Variants in TXNDC11 observed in about 807,000 individuals in gnomAD.
TXNDC11 encodes the protein thioredoxin domain-containing protein 11.
In TXNDC11, 68 loss-of-function variants were observed where a neutral mutation model predicts 78.0. That is an observed-to-expected ratio of 0.87 (90% CI 0.72 to 1.07). TXNDC11 has a LOEUF of 1.07. TXNDC11 is among the 50% of genes least tolerant of loss of function. TXNDC11 has a pLI of 0.00. For missense variants in TXNDC11, 1,389 were observed against 1,221.8 expected (o/e 1.14, Z -2.04); for synonymous variants, 571 against 495.2 (o/e 1.15, Z -2.03).
chr16:11,691,290 C>G lies in TXNDC11; in HGVS notation c.1900G>C (p.Glu634Gln). ...PKQALMKLTLESFIQNFSVLY... is the reference protein window; with the variant it reads ...PKQALMKLTLQSFIQNFSVLY... The stretch of plus-strand genomic sequence containing the variant: ...TGGGGAAATAAACTGCCTGCAGTAC[C>G]TAGGGTGAGCTTCATCAGTGCTTGC... Residue 634 changes from glutamate to glutamine, a missense_variant and splice_region_variant, in exon 8 of 12, where the codon GAG becomes CAG. Physicochemically the swap from Glu to Gln is conservative, Grantham distance 29. Transcript: ENST00000283033. The G allele has an allele frequency of 6.2e-7, 1 of 1,610,836 alleles. No individual in the cohort carries two copies. Among genetic ancestry groups the G allele is most frequent in the Non-Finnish European group, 8.5e-7 (1 of 1,178,274 alleles).
In TXNDC11 at chr16:11,688,799, C is replaced by T. The variant is rs151044810; in HGVS notation, c.1901-354G>A. On this transcript the variant is annotated intron_variant, in intron 8 of 11. Transcript: ENST00000283033. ...TTTCAAGAAATTTCACCCTATAATA[C>T]TAAGACCTTTAAGCTTAACCACAAA... 7.2e-5 allele frequency among the ~76,000 whole-genome samples: 11 copies of T among 152,294 alleles called. No individual in the cohort carries two copies. The East Asian group carries it at 2.1e-3, about 29-fold the overall frequency.
At chr16:11,720,763 T>G (rs968746117) in intron 5 of TXNDC11, among the ~76,000 whole-genome samples, 1 of 151,294 alleles carries the variant, frequency 6.6e-6, no homozygotes, top group African/African-American at 2.4e-5. Flanking sequence ...AGACAGGATC[T>G]CACTCTGTCC....
chr16:11,721,437 TAA>T, intron 5 of TXNDC11, 138 bp downstream of exon 5: 1 of 471,052 alleles, frequency 2.1e-6, no homozygotes. Flanking sequence ...AGACTCCATC[TAA>T]AAAAAAATAA....
intron 3 of TXNDC11, among the ~76,000 whole-genome samples, chr16:11,733,155 G>A (rs2141116695): frequency 6.6e-6 from 1 of 152,252 alleles, no homozygotes; most frequent in Non-Finnish European, 1.5e-5. Context: ...TACTCGGGAG[G>A]CTGAGGCAGG....
At chr16:11,732,346 C>T (rs901068287) in intron 3 of TXNDC11, among the ~76,000 whole-genome samples, 2 of 152,068 alleles carry the variant, frequency 1.3e-5, no homozygotes, top group Non-Finnish European at 2.9e-5. Context: ...AGGACTACAC[C>T]CCCCCACTAG....
At chr16:11,698,370 T>C (rs1023247597) in intron 6 of TXNDC11, 45 bp from the exon 7 acceptor site, 3 of 1,571,560 alleles carry the variant, frequency 1.9e-6, no homozygotes, top group African/African-American at 2.7e-5. Context: ...GCTCGTGAGG[T>C]GGGGCAAGCT....
chr16:11,680,377 C>A (rs1457186032), intron 11 of TXNDC11, among the ~76,000 whole-genome samples: 1 of 152,196 alleles, frequency 6.6e-6, no homozygotes, highest in Non-Finnish European at 1.5e-5. Flanking sequence ...TACCCCCATT[C>A]CCCAGGTACA....
At chr16:11,714,231 A>G (rs1001571739) in intron 5 of TXNDC11, among the ~76,000 whole-genome samples, 1 of 152,038 alleles carries the variant, frequency 6.6e-6, no homozygotes, top group South Asian at 2.1e-4. Flanking sequence ...CCACATTGCG[A>G]AAGGTTGGTC....
At position 11,688,367 on chromosome 16, in the gene TXNDC11, G is replaced by C; in HGVS notation, c.1979C>G (p.Pro660Arg). 1 of 1,614,082 alleles carries C rather than the reference G, an allele frequency of 6.2e-7. No homozygotes were observed. Among genetic ancestry groups the C allele is most frequent in the Non-Finnish European group, 8.5e-7 (1 of 1,179,948 alleles). Reference protein sequence around the residue: ...HLIGSGSAQFPSQHLITEVTT... With the variant: ...HLIGSGSAQFRSQHLITEVTT... ...CACTTCAGTGATTAAATGCTGAGACGGGAACTGGGCAGAGCCACTTCCAAT... is the reference window on the plus strand; with the variant it reads ...CACTTCAGTGATTAAATGCTGAGACCGGAACTGGGCAGAGCCACTTCCAAT... The change falls in exon 9 of 12, where the codon CCG (proline) becomes CGG (arginine). Residue 660 changes from proline (P) to arginine (R), a missense_variant. Physicochemically the swap from Pro to Arg is moderately radical, Grantham distance 103. Coordinates refer to ENST00000283033, the MANE Select transcript of TXNDC11 (RefSeq NM_015914.7).
intron 5 of TXNDC11, among the ~76,000 whole-genome samples, chr16:11,709,092 A>G (rs1018372406): frequency 6.6e-6 from 1 of 152,126 alleles, no homozygotes; most frequent in African/African-American, 2.4e-5. Flanking sequence ...CATTACTTGC[A>G]TTTTCCCCCT....
chr16:11,709,297 G>T (rs1247000756), intron 5 of TXNDC11, among the ~76,000 whole-genome samples: 1 of 150,526 alleles, frequency 6.6e-6, no homozygotes, highest in Non-Finnish European at 1.5e-5. Context: ...TGTCGCCCAG[G>T]CCTGGAGCGC....
intron 11 of TXNDC11, among the ~76,000 whole-genome samples, chr16:11,680,517 T>C (rs558014780): frequency 6.6e-6 from 1 of 152,316 alleles, no homozygotes; most frequent in African/African-American, 2.4e-5. Flanking sequence ...TCCCTACAGC[T>C]TTGTTCCAGG....
chr16:11,723,260 A>G (rs2051766112), intron 4 of TXNDC11, among the ~76,000 whole-genome samples: 1 of 149,344 alleles, frequency 6.7e-6, no homozygotes, highest in South Asian at 2.1e-4. Context: ...AGTCCATCTC[A>G]AAAAAAAAGA....
rs1376037649 is a variant in TXNDC11 at position 11,691,610 on chromosome 16, A to G, written c.1580T>C (p.Phe527Ser). The stretch of plus-strand genomic sequence containing the variant: ...AGAAAATGCAACAGTAGGGGCTTCA[A>G]AGACACCTTGTTCAGAGTCGATGAA... ...SGFIDSEQGVFEAPTVAFSSL... is the reference protein window; with the variant it reads ...SGFIDSEQGVSEAPTVAFSSL... Residue 527 changes from phenylalanine (F) to serine (S), a missense_variant, in exon 8 of 12, where the codon TTT (phenylalanine) becomes TCT (serine). Physicochemically the swap from Phe to Ser is radical, Grantham distance 155 (BLOSUM62 -2). Transcript: ENST00000283033. The G allele has an allele frequency of 3.1e-6, 5 of 1,614,106 alleles. No homozygotes were observed. Among genetic ancestry groups the G allele is most frequent in the African/African-American group, 1.3e-5 (1 of 74,934 alleles).
At chr16:11,715,574 G>A (rs1335710249) in intron 5 of TXNDC11, among the ~76,000 whole-genome samples, 2 of 152,140 alleles carry the variant, frequency 1.3e-5, no homozygotes, top group Admixed American at 6.5e-5. Flanking sequence ...GGGATCCAAA[G>A]TGACATTTAA....
intron 7 of TXNDC11, among the ~76,000 whole-genome samples, chr16:11,696,528 T>C (rs1357770225): frequency 6.6e-6 from 1 of 152,198 alleles, no homozygotes; most frequent in Non-Finnish European, 1.5e-5. Flanking sequence ...CAGTAAACAT[T>C]TGCCAAACTG....
chr16:11,730,923 T>C (rs1212893468), intron 3 of TXNDC11, 149 bp from the exon 4 acceptor site: 2 of 563,428 alleles, frequency 3.5e-6, no homozygotes, highest in African/African-American at 3.9e-5. Context: ...GTAGCCTGCT[T>C]TGCTCAGGAG....
intron 1 of TXNDC11, among the ~76,000 whole-genome samples, chr16:11,738,511 G>T (rs1439005338): frequency 1.3e-5 from 2 of 152,176 alleles, no homozygotes; most frequent in Admixed American, 6.5e-5. Context: ...TATACTAAAT[G>T]CTCACTATGT....
intron 7 of TXNDC11, among the ~76,000 whole-genome samples, chr16:11,695,711 G>GC (rs2050840604): frequency 6.6e-6 from 1 of 152,148 alleles, no homozygotes; most frequent in Non-Finnish European, 1.5e-5. Context: ...ATAACGCACA[G>GC]CCCTGGCTGC....
Sources: allele counts gnomAD v4.1 joint callset (sites outside exome capture counted in the v4.1 genomes callset), GRCh38; gene constraint gnomAD v4.1.1; transcripts MANE v1.5; gene names NCBI Gene and HGNC (gene_info 2026-07-23, HGNC 2026-07-21).